Variants in CCSER1 observed in about 807,000 individuals in gnomAD.
CCSER1 encodes coiled-coil serine rich protein 1.
Under a neutral mutation model 82.0 loss-of-function variants are expected in CCSER1, and 41 were observed. The ratio of observed to expected loss-of-function variants is 0.50; its 90% CI spans 0.39 to 0.65. CCSER1 has a LOEUF of 0.65. CCSER1 is among the 30% of genes least tolerant of loss of function. The probability of loss-of-function intolerance (pLI) is 0.00; values close to 1 mark genes in which losing one functional copy is unlikely to be tolerated. For synonymous variants in CCSER1, 414 were observed against 383.9 expected (o/e 1.08, Z -0.92); for missense variants, 1,119 against 1,064.2 (o/e 1.05, Z -0.72).
At chr4:91,277,940 A>G (rs528887086) in intron 10 of CCSER1, among the ~76,000 whole-genome samples, 40 of 152,112 alleles carry the variant, frequency 2.6e-4, no homozygotes, top group African/African-American at 7.0e-4. Flanking sequence ...CCTTGACCCA[A>G]TGGTTATTCA....
At chr4:91,114,268 C>T (rs537780835) in intron 10 of CCSER1, among the ~76,000 whole-genome samples, 2 of 152,126 alleles carry the variant, frequency 1.3e-5, no homozygotes, top group Admixed American at 6.5e-5. Context: ...AGTCAAGAAA[C>T]ATCATAATAC....
intron 3 of CCSER1, among the ~76,000 whole-genome samples, chr4:90,393,224 G>A (rs573356497): frequency 6.6e-6 from 1 of 152,078 alleles, no homozygotes; most frequent in Non-Finnish European, 1.5e-5. Context: ...AAGTAAAAAG[G>A]CAAATGTAAT....
intron 7 of CCSER1, among the ~76,000 whole-genome samples, chr4:90,748,978 T>G (rs7440926): frequency 0.32 from 46,835 of 147,706 alleles, 8,361 homozygotes; most frequent in African/African-American, 0.5. Context: ...TTTCTCCCAT[T>G]TTGTAGGTTG....
At chr4:91,144,342 ATCTC>A (rs147023864) in intron 10 of CCSER1, among the ~76,000 whole-genome samples, 16,845 of 150,362 alleles carry the variant, frequency 0.11, 1,040 homozygotes, top group East Asian at 0.23. Flanking sequence ...GCATATTTGG[ATCTC>A]TCTTTTTTTC....
At position 91,496,621 on chromosome 4, in the gene CCSER1, T is replaced by TATATATTCA. The variant is rs1560716366; in HGVS notation, c.2218-101944_2218-101943insCAATATATT. Among the ~76,000 whole-genome samples, 56 of 14,678 alleles carry TATATATTCA rather than the reference T, an allele frequency of 3.8e-3. 7 individuals are homozygous for TATATATTCA. The highest frequency in any genetic ancestry group is 9.3e-3 in the Non-Finnish European group (42 of 4,512). The allele number at this position is 14,678 out of a possible 152,430, so 9.6% of individuals were successfully genotyped here. A position where few individuals can be genotyped will look rare whatever the true frequency, so the allele number is the denominator to read the frequency against. On this transcript the variant is annotated intron_variant, in intron 10 of 10. Transcript: ENST00000509176. ...ATATTTGAATATATATATACACGAA[T>TATATATTCA]ATATATTTGAATATATATATATTCA...
chr4:91,144,954 C>G (rs1345287021), intron 10 of CCSER1, among the ~76,000 whole-genome samples: 1 of 152,126 alleles, frequency 6.6e-6, no homozygotes, highest in Non-Finnish European at 1.5e-5. Context: ...GTGGAATACT[C>G]TGTTGATGTC....
chr4:91,573,896 G>A lies in CCSER1; in HGVS notation c.2218-24676G>A, dbSNP rs896315943. Among the ~76,000 whole-genome samples, 3 of 152,030 alleles carry A rather than the reference G, an allele frequency of 2.0e-5. No homozygotes were observed. In the East Asian group the frequency reaches 5.8e-4, roughly 29 times the overall value. Reference sequence around the variant, plus strand: ...ACTATTCAAAAAAGAAATTAAGAAAGCAATCCCACTTAAAATTGCATCAAA... The same window carrying A: ...ACTATTCAAAAAAGAAATTAAGAAAACAATCCCACTTAAAATTGCATCAAA... On this transcript the variant is annotated intron_variant, in intron 10 of 10. Coordinates refer to ENST00000509176, the MANE Select transcript of CCSER1 (RefSeq NM_001145065.2).
intron 8 of CCSER1, among the ~76,000 whole-genome samples, chr4:90,844,800 A>G (rs1431759785): frequency 6.6e-6 from 1 of 152,178 alleles, no homozygotes; most frequent in East Asian, 1.9e-4. Flanking sequence ...GTGACAGAAG[A>G]CAGAGGTTTG....
intron 10 of CCSER1, among the ~76,000 whole-genome samples, chr4:91,568,918 T>C (rs1763029575): frequency 6.6e-6 from 1 of 152,182 alleles, no homozygotes; most frequent in Non-Finnish European, 1.5e-5. Context: ...TGTGACACCC[T>C]GGCCATTTGA....
chr4:91,406,125 G>A (rs1297056169), intron 10 of CCSER1, among the ~76,000 whole-genome samples: 1 of 152,164 alleles, frequency 6.6e-6, no homozygotes, highest in Non-Finnish European at 1.5e-5. Flanking sequence ...CTTGTAACAT[G>A]AAATTGCATA....
At position 90,545,150 on chromosome 4, in the gene CCSER1, T is replaced by C. The variant is rs116223987; in HGVS notation, c.1724+76796T>C. ...AGCACTTCTTTTCAAGCTGTATTTA[T>C]TAAACCTAGAGAAAGTGATCACACT... On this transcript the variant is annotated intron_variant, in intron 5 of 10. Transcript: ENST00000509176. Among the ~76,000 whole-genome samples the C allele has an allele frequency of 2.1e-3, 318 of 152,280 alleles. 1 individual carries two copies. Among genetic ancestry groups the C allele is most frequent in the African/African-American group, 7.5e-3 (310 of 41,580 alleles).
intron 8 of CCSER1, among the ~76,000 whole-genome samples, chr4:90,917,627 C>T (rs1325037256): frequency 6.6e-6 from 1 of 151,926 alleles, no homozygotes; most frequent in Non-Finnish European, 1.5e-5. Flanking sequence ...CAAACCTGCA[C>T]TTTGTGCACA....
At chr4:90,686,829 C>G (rs1989608363) in intron 6 of CCSER1, among the ~76,000 whole-genome samples, 1 of 152,100 alleles carries the variant, frequency 6.6e-6, no homozygotes, top group South Asian at 2.1e-4. Flanking sequence ...CTCTCCTCTG[C>G]CAATTTAGTG....
intron 10 of CCSER1, among the ~76,000 whole-genome samples, chr4:91,496,008 G>T (rs1294195107): frequency 6.6e-6 from 1 of 151,572 alleles, no homozygotes; most frequent in Non-Finnish European, 1.5e-5. Flanking sequence ...CATGAAGAAA[G>T]TGCATTAAGT....
intron 10 of CCSER1, among the ~76,000 whole-genome samples, chr4:91,340,368 A>G (rs1747630878): frequency 6.6e-6 from 1 of 152,206 alleles, no homozygotes; most frequent in Non-Finnish European, 1.5e-5. Flanking sequence ...TGTGATTTCC[A>G]TCAAATGCAT....
intron 10 of CCSER1, among the ~76,000 whole-genome samples, chr4:91,486,145 G>A (rs963137793): frequency 6.6e-6 from 1 of 151,548 alleles, no homozygotes; most frequent in Non-Finnish European, 1.5e-5. Flanking sequence ...TATGTTGAAA[G>A]CATATTTACT....
intron 7 of CCSER1, among the ~76,000 whole-genome samples, chr4:90,757,534 G>A (rs978724064): frequency 4.6e-5 from 7 of 152,186 alleles, no homozygotes; most frequent in Admixed American, 1.3e-4. Context: ...TTAGTCCAAA[G>A]CAATGGCCTC....
chr4:90,916,087 A>G lies in CCSER1; in HGVS notation c.2095-7283A>G, dbSNP rs1012986800. 4.2e-4 allele frequency among the ~76,000 whole-genome samples: 64 copies of G among 152,026 alleles called. No homozygotes were observed. In the South Asian group the frequency reaches 9.3e-3, roughly 22 times the overall value. On this transcript the variant is annotated intron_variant, in intron 8 of 10. Coordinates refer to ENST00000509176, the MANE Select transcript of CCSER1 (RefSeq NM_001145065.2). ...TCAATATCATGAAAATGGCCATACT[A>G]CCCAAGGTAATTTATAGATTCAATG...
intron 9 of CCSER1, among the ~76,000 whole-genome samples, chr4:91,083,702 AAGAT>A (rs966197077): frequency 1.1e-4 from 17 of 152,158 alleles, no homozygotes; most frequent in Admixed American, 5.2e-4. Context: ...AATGAAAACT[AAGAT>A]AGCTGAAATA....
Sources: gnomAD v4.1 joint callset for allele counts (sites outside exome capture counted in the v4.1 genomes callset) on GRCh38, gnomAD v4.1.1 for gene constraint, MANE v1.5 for transcripts, NCBI Gene and HGNC (gene_info 2026-07-23, HGNC 2026-07-21) for gene names.